The following IRF8 variants were observed in gnomAD, a reference collection of about 807,000 sequenced individuals.
IRF8 encodes the protein interferon consensus sequence binding protein 1.
In IRF8, 14 loss-of-function variants were observed where a neutral mutation model predicts 48.7. The observed-to-expected ratio is 0.29, with a 90% CI of 0.19 to 0.45. The LOEUF (loss-of-function observed/expected upper bound fraction) is 0.45, where lower values mean the gene tolerates loss of function less well. Among genes scored for constraint, IRF8 ranks in the 20% least tolerant of loss-of-function variants. The pLI, the probability that IRF8 is intolerant of heterozygous loss-of-function variation, is 1.00. For missense variants in IRF8, 493 were observed against 580.7 expected (o/e 0.85, Z 1.55); for synonymous variants, 278 against 227.3 (o/e 1.22, Z -2.01).
intron 2 of IRF8, among the ~76,000 whole-genome samples, chr16:85,908,307 C>G (rs1052603337): frequency 3.9e-5 from 6 of 152,104 alleles, no homozygotes; most frequent in Non-Finnish European, 5.9e-5. Flanking sequence ...CTGCCCCATT[C>G]TACATTATGA....
intron 5 of IRF8, among the ~76,000 whole-genome samples, chr16:85,913,814 G>A (rs1046404644): frequency 3.3e-5 from 5 of 152,218 alleles, no homozygotes; most frequent in African/African-American, 7.2e-5. Flanking sequence ...ATGGGGTCAC[G>A]AGGGTTAAGT....
chr16:85,904,283 G>A (rs1423168157), intron 2 of IRF8, among the ~76,000 whole-genome samples: 2 of 152,144 alleles, frequency 1.3e-5, no homozygotes, highest in African/African-American at 2.4e-5. Context: ...TGTGGGAGAG[G>A]GGTGAAAGGG....
intron 8 of IRF8, 47 bp downstream of exon 8, chr16:85,920,271 G>T (rs776110121): frequency 1.7e-6 from 2 of 1,154,504 alleles, no homozygotes; most frequent in South Asian, 1.3e-5. Flanking sequence ...TTTTGAGATG[G>T]AGTCTTGCTC....
At position 85,921,520 on chromosome 16, in the gene IRF8, T is replaced by G; in HGVS notation, c.*238T>G. ...GTAACCACAACCTGTGGCTAAAAAT[T>G]TTATTTTCTATCCTTTACCCGTCAT... On this transcript the variant is annotated 3_prime_UTR_variant, in exon 9 of 9. Coordinates refer to ENST00000268638, the MANE Select transcript of IRF8 (RefSeq NM_002163.4). The G allele has an allele frequency of 1.8e-6, 1 of 553,156 alleles. No homozygotes were observed. The highest frequency in any genetic ancestry group is 3.3e-6 in the Non-Finnish European group (1 of 307,578). 34.3% of individuals were successfully genotyped at this position (553,156 alleles called of 1,614,324 possible).
chr16:85,917,784 G>A (rs1445892203), intron 6 of IRF8, among the ~76,000 whole-genome samples: 2 of 152,184 alleles, frequency 1.3e-5, no homozygotes, highest in Admixed American at 6.5e-5. Flanking sequence ...GTGATTACAT[G>A]TATCACCCCT....
At chr16:85,915,530 G>T (rs970475399) in intron 6 of IRF8, among the ~76,000 whole-genome samples, 8 of 152,364 alleles carry the variant, frequency 5.3e-5, no homozygotes, top group African/African-American at 1.9e-4. Context: ...TGAGCTGGGG[G>T]GTTGTTTTCA....
At chr16:85,911,781 G>A in intron 4 of IRF8, 123 bp downstream of exon 4, 1 of 772,070 alleles carries the variant, frequency 1.3e-6, no homozygotes, top group Non-Finnish European at 2.2e-6. Context: ...CTGAGGAAGT[G>A]GCATCTCCAC....
At chr16:85,920,313 C>A in intron 8 of IRF8, 89 bp downstream of exon 8, 1 of 855,936 alleles carries the variant, frequency 1.2e-6, no homozygotes, top group Non-Finnish European at 1.8e-6. Context: ...ATGGCGTGAC[C>A]TTGGCTCACT....
intron 1 of IRF8, among the ~76,000 whole-genome samples, chr16:85,901,956 T>C (rs1393082061): frequency 6.6e-6 from 1 of 151,694 alleles, no homozygotes; most frequent in Non-Finnish European, 1.5e-5. Flanking sequence ...TGGGCGTCTA[T>C]CCAGCTGTCT....
chr16:85,919,478 C>T (rs564641249), intron 7 of IRF8, among the ~76,000 whole-genome samples: 14 of 152,258 alleles, frequency 9.2e-5, no homozygotes, highest in African/African-American at 2.9e-4. Context: ...CCTGGAAGGG[C>T]GGGTGCAGGG....
rs748930444 is a variant in IRF8, at chr16:85,920,188, T to C, written c.1068T>C (p.Asp356=). 6.3e-5 allele frequency: 102 copies of C among 1,612,578 alleles called. No homozygotes were observed. In the Admixed American group the frequency reaches 1.7e-3, roughly 27 times the overall value. The change falls in exon 8 of 9, where the codon GAT becomes GAC. Residue 356 remains aspartate, a synonymous_variant. Transcript: ENST00000268638. ...VVLCFGEEFP[D]MAPLRSKLIL... is the part of the protein sequence containing the mutation. ...TGTGCTTTGGGGAAGAGTTTCCGGATATGGCCCCCTTGCGCTCCAAACTCA... is the reference window on the plus strand; with the variant it reads ...TGTGCTTTGGGGAAGAGTTTCCGGACATGGCCCCCTTGCGCTCCAAACTCA...
At chr16:85,913,498 T>TGC (rs1555509434) in intron 5 of IRF8, among the ~76,000 whole-genome samples, 1 of 152,116 alleles carries the variant, frequency 6.6e-6, no homozygotes, top group Non-Finnish European at 1.5e-5. Context: ...ATGCCAGCTC[T>TGC]CCCCACGCTC....
chr16:85,913,407 G>T, intron 5 of IRF8, 171 bp downstream of exon 5: 2 of 641,686 alleles, frequency 3.1e-6, no homozygotes, highest in Non-Finnish European at 5.7e-6. Flanking sequence ...CAACATGAGG[G>T]CAGAGCCCAG....
Position 85,922,591 on chromosome 16 carries a change from A to T in IRF8, c.*1309A>T, listed in dbSNP as rs941515359. 6.6e-6 allele frequency: 1 copy of T among 152,202 alleles called. No individual in the cohort carries two copies. The highest frequency in any genetic ancestry group is 2.4e-5 in the African/African-American group (1 of 41,430). 9.4% of individuals were successfully genotyped at this position (152,202 alleles called of 1,614,324 possible). ...TCTCTTTTATTCTTTATTAAAATAA[A>T]ATGCTCTTTTTTAAAGCTGCTGTGT... is the stretch of plus-strand genomic sequence containing the variant. On this transcript the variant is annotated 3_prime_UTR_variant, in exon 9 of 9. Transcript: ENST00000268638.
intron 2 of IRF8, among the ~76,000 whole-genome samples, chr16:85,905,601 C>T (rs562500204): frequency 2.6e-5 from 4 of 152,250 alleles, no homozygotes; most frequent in East Asian, 3.9e-4. Context: ...GGAGACATGG[C>T]GCCAGCAAGA....
intron 3 of IRF8, 93 bp downstream of exon 3, chr16:85,909,266 T>C: frequency 1.0e-6 from 1 of 970,734 alleles, no homozygotes; most frequent in South Asian, 1.4e-5. Context: ...ACACAGGGTC[T>C]GGGGCACATA....
chr16:85,904,912 A>T (rs1249966871), intron 2 of IRF8, among the ~76,000 whole-genome samples: 2 of 143,458 alleles, frequency 1.4e-5, no homozygotes, highest in Non-Finnish European at 3.0e-5. Flanking sequence ...GTCGGTTGGG[A>T]ACTCTGCATT....
At chr16:85,917,589 A>G (rs9926067) in intron 6 of IRF8, among the ~76,000 whole-genome samples, 9,821 of 152,244 alleles carry the variant, frequency 0.065, 1,026 homozygotes, top group African/African-American at 0.22. Context: ...TTAAGATTGT[A>G]TTTGTCTTTC....
chr16:85,909,356 C>T (rs976237012), intron 3 of IRF8, 183 bp downstream of exon 3: 31 of 641,204 alleles, frequency 4.8e-5, no homozygotes, highest in Non-Finnish European at 7.8e-5. Context: ...GAGGGAAGGG[C>T]GGAGGAGATT....
Sources: allele counts gnomAD v4.1 joint callset (sites outside exome capture counted in the v4.1 genomes callset), GRCh38; gene constraint gnomAD v4.1.1; transcripts MANE v1.5; gene names NCBI Gene and HGNC (gene_info 2026-07-23, HGNC 2026-07-21).